FAM168A: variants seen among roughly 807,000 people sequenced by gnomAD.
FAM168A encodes family with sequence similarity 168 member A, also known as protein FAM168A.
A neutral mutation model predicts 28.5 loss-of-function variants in FAM168A; 3 were observed. That is an observed-to-expected ratio of 0.11 (90% CI 0.05 to 0.27). FAM168A has a LOEUF of 0.27. Among genes scored for constraint, FAM168A ranks in the 10% least tolerant of loss-of-function variants. The pLI, the probability that FAM168A is intolerant of heterozygous loss-of-function variation, is 1.00. For synonymous variants in FAM168A, 122 were observed against 124.2 expected (o/e 0.98, Z 0.12); for missense variants, 222 against 311.5 (o/e 0.71, Z 2.16).
chr11:73,513,272 C>T (rs112871402), intron 1 of FAM168A, among the ~76,000 whole-genome samples: 11,321 of 143,602 alleles, frequency 0.079, 535 homozygotes, highest in Non-Finnish European at 0.1. Context: ...TGCAGTGGCG[C>T]GATCTCAGCT....
intron 2 of FAM168A, among the ~76,000 whole-genome samples, chr11:73,451,054 G>A (rs1000230092): frequency 2.0e-5 from 3 of 152,162 alleles, no homozygotes; most frequent in Non-Finnish European, 4.4e-5. Context: ...ATATATATTA[G>A]GGGTTGGGAA....
chr11:73,461,796 T>A (rs1333353338), intron 2 of FAM168A, among the ~76,000 whole-genome samples: 2 of 152,270 alleles, frequency 1.3e-5, no homozygotes, highest in East Asian at 3.9e-4. Flanking sequence ...GAAGTCCAGT[T>A]AAGAGGCAAC....
chr11:73,550,869 G>T (rs1376896734), intron 1 of FAM168A, among the ~76,000 whole-genome samples: 1 of 152,094 alleles, frequency 6.6e-6, no homozygotes, highest in Non-Finnish European at 1.5e-5. Flanking sequence ...AGCACTTTGG[G>T]AGGCCGAGGC....
chr11:73,469,309 G>T (rs917613271), intron 1 of FAM168A, among the ~76,000 whole-genome samples: 14 of 152,092 alleles, frequency 9.2e-5, no homozygotes, highest in African/African-American at 3.4e-4. Flanking sequence ...TTACTATATA[G>T]CCTGACACAT....
chr11:73,408,518 A>G (rs953885112), intron 6 of FAM168A, among the ~76,000 whole-genome samples: 1 of 152,148 alleles, frequency 6.6e-6, no homozygotes, highest in Non-Finnish European at 1.5e-5. Context: ...AATGGCTTAT[A>G]TCTGTTACCC....
chr11:73,468,392 T>C lies in FAM168A; in HGVS notation c.70+13A>G, dbSNP rs1867768140. The C allele has an allele frequency of 6.2e-7, 1 of 1,612,794 alleles. No homozygotes were observed. Among genetic ancestry groups the C allele is most frequent in the Non-Finnish European group, 8.5e-7 (1 of 1,179,186 alleles). The stretch of plus-strand genomic sequence containing the variant: ...CCATTTCTCAAAATGAGAGCCATTC[T>C]CACACTACTCACCCGTGTAGGCCAT... On this transcript the variant is annotated intron_variant, in intron 2 of 7. Transcript: ENST00000356467.
At chr11:73,596,317 TCA>T (rs1280150628) in intron 1 of FAM168A, among the ~76,000 whole-genome samples, 1 of 152,180 alleles carries the variant, frequency 6.6e-6, no homozygotes, top group East Asian at 1.9e-4. Flanking sequence ...GGCAGAGACA[TCA>T]TATAGAAAGA....
intron 1 of FAM168A, among the ~76,000 whole-genome samples, chr11:73,541,372 C>CTT (rs1227186087): frequency 1.4e-5 from 2 of 142,850 alleles, no homozygotes; most frequent in Admixed American, 7.0e-5. Flanking sequence ...GCCTAAACTT[C>CTT]TTTTTTTTTT....
At chr11:73,559,607 G>T (rs1405268465) in intron 1 of FAM168A, among the ~76,000 whole-genome samples, 1 of 152,152 alleles carries the variant, frequency 6.6e-6, no homozygotes, top group African/African-American at 2.4e-5. Flanking sequence ...ATGAAAAGCA[G>T]ATTAGTTGCC....
intron 1 of FAM168A, among the ~76,000 whole-genome samples, chr11:73,569,909 G>T (rs551607730): frequency 4.9e-5 from 7 of 141,468 alleles, no homozygotes; most frequent in Middle Eastern, 3.4e-3. Context: ...TTACAGCAGG[G>T]GAAAAAAATA....
chr11:73,472,773 G>A (rs1565261058), intron 1 of FAM168A, among the ~76,000 whole-genome samples: 2 of 152,196 alleles, frequency 1.3e-5, no homozygotes, highest in Non-Finnish European at 2.9e-5. Flanking sequence ...TAAGGTATGA[G>A]AGGAAGAAAG....
At chr11:73,554,832 A>G (rs1157909489) in intron 1 of FAM168A, among the ~76,000 whole-genome samples, 5 of 152,350 alleles carry the variant, frequency 3.3e-5, no homozygotes, top group African/African-American at 1.2e-4. Context: ...GTCTGTCATC[A>G]GCAAAGCCAA....
intron 2 of FAM168A, among the ~76,000 whole-genome samples, chr11:73,434,164 T>A (rs963470309): frequency 6.7e-6 from 1 of 149,924 alleles, no homozygotes; most frequent in African/African-American, 2.4e-5. Context: ...ATTTTTAAAG[T>A]TTATCCATCC....
intron 2 of FAM168A, among the ~76,000 whole-genome samples, chr11:73,438,118 G>GTCATCA (rs923933671): frequency 1.3e-5 from 2 of 151,958 alleles, no homozygotes; most frequent in African/African-American, 4.8e-5. Flanking sequence ...CATCATCATC[G>GTCATCA]TCATCATCAT....
chr11:73,590,724 T>G (rs1360880187), intron 1 of FAM168A, among the ~76,000 whole-genome samples: 1 of 152,258 alleles, frequency 6.6e-6, no homozygotes, highest in Non-Finnish European at 1.5e-5. Flanking sequence ...ACATCTGCCT[T>G]ATGCTCACCT....
At chr11:73,438,003 T>G (rs1018038057) in intron 2 of FAM168A, among the ~76,000 whole-genome samples, 2 of 152,168 alleles carry the variant, frequency 1.3e-5, no homozygotes, top group Non-Finnish European at 2.9e-5. Flanking sequence ...CCTCTGCTGA[T>G]AGTTTTTCCC....
At chr11:73,483,924 A>C (rs1013256023) in intron 1 of FAM168A, among the ~76,000 whole-genome samples, 1 of 152,240 alleles carries the variant, frequency 6.6e-6, no homozygotes, top group Non-Finnish European at 1.5e-5. Flanking sequence ...TAAGGAATGA[A>C]GATTGTATGG....
chr11:73,452,357 T>A (rs1867446538), intron 2 of FAM168A: 1 of 152,488 alleles, frequency 6.6e-6, no homozygotes, highest in Non-Finnish European at 1.5e-5. Context: ...TACGCAATGA[T>A]GTTTCTGAGG....
chr11:73,510,178 C>T (rs1167141690), intron 1 of FAM168A, among the ~76,000 whole-genome samples: 1 of 152,110 alleles, frequency 6.6e-6, no homozygotes, highest in East Asian at 1.9e-4. Flanking sequence ...TCCATCTATT[C>T]GTAGCTAAGA....
Sources: allele counts gnomAD v4.1 joint callset (sites outside exome capture counted in the v4.1 genomes callset), GRCh38; gene constraint gnomAD v4.1.1; transcripts MANE v1.5; gene names NCBI Gene and HGNC (gene_info 2026-07-23, HGNC 2026-07-21).